BBS9: variants seen among roughly 807,000 people sequenced by gnomAD.
BBS9 encodes the protein Bardet-Biedl syndrome 9.
Under a neutral mutation model 117.7 loss-of-function variants are expected in BBS9, and 89 were observed. That is an observed-to-expected ratio of 0.76 (90% CI 0.64 to 0.90). BBS9 has a LOEUF of 0.90. Among genes scored for constraint, BBS9 ranks in the 40% least tolerant of loss-of-function variants. The probability of loss-of-function intolerance (pLI) is 0.00; values close to 1 mark genes in which losing one functional copy is unlikely to be tolerated. For synonymous variants in BBS9, 379 were observed against 370.9 expected (o/e 1.02, Z -0.25); for missense variants, 982 against 1,042.2 (o/e 0.94, Z 0.80).
intron 19 of BBS9, among the ~76,000 whole-genome samples, chr7:33,465,140 T>C (rs114083960): frequency 2.3e-3 from 343 of 152,112 alleles, no homozygotes; most frequent in African/African-American, 8.0e-3. Context: ...CGTGTCTCAG[T>C]TGTTTTGCAG....
Position 33,383,714 on chromosome 7 carries a change from C to T in BBS9, c.1838C>T (p.Thr613Ile). The T allele has an allele frequency of 6.2e-7, 1 of 1,611,172 alleles. No homozygotes were observed. The highest frequency in any genetic ancestry group is 8.5e-7 in the Non-Finnish European group (1 of 1,178,456). Residue 613 changes from threonine to isoleucine, a missense_variant, in exon 18 of 23, where the codon ACC becomes ATC. Transcript: ENST00000242067. ...CAATTTGAAGATCTTTGGCTCATAACCAATGAGCTTATTCTTCGCCTTCAA... is the reference window on the plus strand; with the variant it reads ...CAATTTGAAGATCTTTGGCTCATAATCAATGAGCTTATTCTTCGCCTTCAA... ...SEQFEDLWLI[T>I]NELILRLQEY...
chr7:33,602,547 G>A (rs1863961212), intron 21 of BBS9, among the ~76,000 whole-genome samples: 1 of 152,158 alleles, frequency 6.6e-6, no homozygotes, highest in African/African-American at 2.4e-5. Context: ...TGACCAAGAT[G>A]GAGAAACCCC....
rs1385552151 is a variant in BBS9, at chr7:33,509,838, C to T, written c.2298+4193C>T. 2.0e-5 allele frequency among the ~76,000 whole-genome samples: 3 copies of T among 152,190 alleles called. No homozygotes were observed. In the East Asian group the frequency reaches 5.8e-4, roughly 29 times the overall value. Reference sequence around the variant, plus strand: ...GCTATTGCTGATGAAAAGTAATGTTCTCCACACTATATTGTCAGTATTTTG... The same window carrying T: ...GCTATTGCTGATGAAAAGTAATGTTTTCCACACTATATTGTCAGTATTTTG... On this transcript the variant is annotated intron_variant, in intron 20 of 22. Coordinates refer to ENST00000242067, the MANE Select transcript of BBS9 (RefSeq NM_198428.3).
intron 5 of BBS9, among the ~76,000 whole-genome samples, chr7:33,256,234 A>G (rs1449616691): frequency 3.9e-5 from 6 of 152,216 alleles, no homozygotes; most frequent in African/African-American, 1.2e-4. Flanking sequence ...AAAGCCTACC[A>G]TACGTTATAA....
chr7:33,317,174 G>A (rs943731270), intron 9 of BBS9, among the ~76,000 whole-genome samples: 5 of 152,120 alleles, frequency 3.3e-5, no homozygotes, highest in African/African-American at 1.2e-4. Context: ...ATGAGCATGG[G>A]TTTGTTTCTG....
intron 19 of BBS9, among the ~76,000 whole-genome samples, chr7:33,405,236 A>G (rs1457543298): frequency 6.6e-6 from 1 of 152,164 alleles, no homozygotes; most frequent in Non-Finnish European, 1.5e-5. Context: ...GTGCTGCTGT[A>G]TTCGGTTTGC....
intron 19 of BBS9, among the ~76,000 whole-genome samples, chr7:33,408,082 G>T (rs1021854731): frequency 6.6e-6 from 1 of 152,232 alleles, no homozygotes; most frequent in Non-Finnish European, 1.5e-5. Flanking sequence ...AGCTGTGGTG[G>T]GCTCCACCCA....
intron 15 of BBS9, among the ~76,000 whole-genome samples, chr7:33,357,549 G>C (rs1273043336): frequency 1.3e-5 from 2 of 151,716 alleles, no homozygotes; most frequent in Non-Finnish European, 3.0e-5. Context: ...TTCAGTAATT[G>C]AATGTAAGTG....
rs150205368 is a variant in BBS9 at position 33,635,582 on chromosome 7, C to A, written c.*311C>A. On this transcript the variant is annotated 3_prime_UTR_variant, in exon 22 of 22. Coordinates refer to the BBS9 transcript ENST00000671952. ...TTTTGCTTTAATCAGTTTGCATTTTCTGTTGCTTCTTTCTGGAAAAATCCT... is the reference window on the plus strand; with the variant it reads ...TTTTGCTTTAATCAGTTTGCATTTTATGTTGCTTCTTTCTGGAAAAATCCT... Among the ~76,000 whole-genome samples, 931 of 152,340 alleles carry A rather than the reference C, an allele frequency of 6.1e-3. 4 individuals carry two copies. The highest frequency in any genetic ancestry group is 0.017 in the Middle Eastern group (5 of 294).
intron 20 of BBS9, among the ~76,000 whole-genome samples, chr7:33,515,515 A>G (rs1278793286): frequency 6.6e-6 from 1 of 152,210 alleles, no homozygotes; most frequent in African/African-American, 2.4e-5. Context: ...ACTAAACTCA[A>G]AACTTCATTT....
chr7:33,178,692 A>C (rs949354097), intron 5 of BBS9, among the ~76,000 whole-genome samples: 11 of 152,086 alleles, frequency 7.2e-5, no homozygotes, highest in African/African-American at 2.7e-4. Flanking sequence ...TTATGAGTTC[A>C]TTGTTTAACT....
chr7:33,296,429 T>C (rs1562953941), intron 9 of BBS9, among the ~76,000 whole-genome samples: 2 of 152,304 alleles, frequency 1.3e-5, no homozygotes. Flanking sequence ...TATTCACAAG[T>C]TGCATTATTT....
intron 21 of BBS9, among the ~76,000 whole-genome samples, chr7:33,621,124 A>T (rs186005575): frequency 6.6e-6 from 1 of 152,214 alleles, no homozygotes; most frequent in South Asian, 2.1e-4. Context: ...AATGGAAAAC[A>T]TAAGGAAAAG....
intron 19 of BBS9, among the ~76,000 whole-genome samples, chr7:33,422,145 C>T (rs548363228): frequency 1.2e-4 from 19 of 152,116 alleles, no homozygotes; most frequent in South Asian, 4.2e-4. Context: ...ATTGTATGTA[C>T]GGTTATAGCT....
intron 4 of BBS9, among the ~76,000 whole-genome samples, chr7:33,170,797 T>G (rs1042352767): frequency 4.0e-5 from 6 of 151,478 alleles, no homozygotes; most frequent in African/African-American, 1.2e-4. Flanking sequence ...CAAGCATTCT[T>G]ATACACCAAC....
intron 19 of BBS9, among the ~76,000 whole-genome samples, chr7:33,465,218 A>G (rs1442585091): frequency 6.7e-6 from 1 of 150,292 alleles, no homozygotes. Context: ...TTTTGGTGCT[A>G]GAAAGCTAGT....
At chr7:33,305,532 T>A (rs1807708546) in intron 9 of BBS9, among the ~76,000 whole-genome samples, 1 of 152,220 alleles carries the variant, frequency 6.6e-6, no homozygotes. Context: ...AAAGTCATCG[T>A]GTCCCAGGCA....
At chr7:33,346,086 A>G (rs1047476934) in intron 12 of BBS9, 2 of 293,524 alleles carry the variant, frequency 6.8e-6, no homozygotes, top group African/African-American at 4.5e-5. Flanking sequence ...TTATAAAAGC[A>G]TGAGAAAGAA....
At chr7:33,333,667 G>A (rs1407607852) in intron 9 of BBS9, among the ~76,000 whole-genome samples, 1 of 151,748 alleles carries the variant, frequency 6.6e-6, no homozygotes, top group Non-Finnish European at 1.5e-5. Context: ...CCAGGCTGGA[G>A]TGCAGTGGTC....
Sources: allele counts gnomAD v4.1 joint callset (sites outside exome capture counted in the v4.1 genomes callset), GRCh38; gene constraint gnomAD v4.1.1; transcripts MANE v1.5; gene names NCBI Gene and HGNC (gene_info 2026-07-23, HGNC 2026-07-21).